IL1RAPL1: variants seen among roughly 807,000 people sequenced by gnomAD.
IL1RAPL1 encodes interleukin 1 receptor accessory protein like 1, also known as interleukin-1 receptor accessory protein-like 1.
In IL1RAPL1, 3 loss-of-function variants were observed where a neutral mutation model predicts 48.4. The observed-to-expected ratio is 0.06, with a 90% CI of 0.03 to 0.16. The LOEUF (loss-of-function observed/expected upper bound fraction) is 0.16. Among genes scored for constraint, IL1RAPL1 ranks in the 10% least tolerant of loss-of-function variants. The pLI is 1.00. For synonymous variants in IL1RAPL1, 185 were observed against 187.7 expected (o/e 0.99, Z 0.12); for missense variants, 349 against 530.6 (o/e 0.66, Z 3.36).
chrX:29,608,683 G>A (rs1433421120), intron 5 of IL1RAPL1, among the ~76,000 whole-genome samples: 4 of 100,007 alleles, frequency 4.0e-5, no homozygotes, highest in East Asian at 3.3e-4. Flanking sequence ...AAAATTAGCC[G>A]GGCGTGGTGG....
chrX:29,233,656 G>A (rs1006845610), intron 2 of IL1RAPL1, among the ~76,000 whole-genome samples: 4 of 111,081 alleles, frequency 3.6e-5, no homozygotes, highest in African/African-American at 1.3e-4. Flanking sequence ...CCTTGAGTGT[G>A]TATGAGACTA....
chrX:29,599,882 T>C (rs1191026902), intron 5 of IL1RAPL1, among the ~76,000 whole-genome samples: 1 of 112,180 alleles, frequency 8.9e-6, no homozygotes, highest in Non-Finnish European at 1.9e-5. Flanking sequence ...TTGTTTTTTA[T>C]TTATGTTATA....
intron 2 of IL1RAPL1, among the ~76,000 whole-genome samples, chrX:28,965,738 G>A (rs190614963): frequency 3.1e-3 from 345 of 111,858 alleles, no homozygotes; most frequent in Non-Finnish European, 5.3e-3. Context: ...CAATCTGTGC[G>A]CTCTTAGTGA....
intron 3 of IL1RAPL1, among the ~76,000 whole-genome samples, chrX:29,284,104 A>T (rs1410586110): frequency 1.8e-5 from 2 of 112,327 alleles, no homozygotes; most frequent in African/African-American, 6.5e-5. Flanking sequence ...ATAAAGAAGA[A>T]TCTAAAGTAA....
At chrX:29,370,535 T>C (rs1408508612) in intron 3 of IL1RAPL1, among the ~76,000 whole-genome samples, 4 of 110,221 alleles carry the variant, frequency 3.6e-5, no homozygotes, top group Non-Finnish European at 5.7e-5. Flanking sequence ...AGTGCTTCCC[T>C]GTTCCTAAAA....
chrX:29,803,202 C>T (rs201594678), intron 6 of IL1RAPL1, among the ~76,000 whole-genome samples: 330 of 30,383 alleles, frequency 0.011, 36 homozygotes, highest in African/African-American at 0.04. Flanking sequence ...TATACATATA[C>T]ACACATGTAT....
intron 3 of IL1RAPL1, among the ~76,000 whole-genome samples, chrX:29,380,739 C>T (rs1569298848): frequency 1.8e-5 from 2 of 112,112 alleles, no homozygotes; most frequent in East Asian, 5.6e-4. Context: ...TGGGGCAGCA[C>T]TACTACATTC....
chrX:29,673,530 G>A (rs938660220), intron 6 of IL1RAPL1, among the ~76,000 whole-genome samples: 3 of 111,463 alleles, frequency 2.7e-5, no homozygotes, highest in Admixed American at 1.9e-4. Flanking sequence ...TTAAAAAACC[G>A]TAAAACTTCC....
chrX:28,676,106 A>G (rs918724162), intron 1 of IL1RAPL1, among the ~76,000 whole-genome samples: 2 of 111,954 alleles, frequency 1.8e-5, no homozygotes, highest in African/African-American at 6.5e-5. Flanking sequence ...CTACTGAAAT[A>G]CCTTCAGTGG....
intron 8 of IL1RAPL1, among the ~76,000 whole-genome samples, chrX:29,936,653 A>C (rs1933039053): frequency 9.0e-6 from 1 of 111,107 alleles, no homozygotes; most frequent in African/African-American, 3.3e-5. Flanking sequence ...TACCTTTTCG[A>C]AGATTTCTAG....
At chrX:29,695,636 G>T (rs7887004) in intron 6 of IL1RAPL1, among the ~76,000 whole-genome samples, 13,452 of 108,188 alleles carry the variant, frequency 0.12, 1,682 homozygotes, top group African/African-American at 0.37. Flanking sequence ...GAAACAGAGA[G>T]AATCTTTTAT....
chrX:28,905,105 A>G (rs748941951), intron 2 of IL1RAPL1, among the ~76,000 whole-genome samples: 1 of 111,550 alleles, frequency 9.0e-6, no homozygotes, highest in East Asian at 2.8e-4. Flanking sequence ...TCTAAGATAA[A>G]CACATTTATT....
At chrX:28,951,350 G>A (rs1361324682) in intron 2 of IL1RAPL1, among the ~76,000 whole-genome samples, 1 of 106,498 alleles carries the variant, frequency 9.4e-6, no homozygotes, top group Admixed American at 1.0e-4. Context: ...AAGACTGGAA[G>A]GAATTTTTTA....
At chrX:29,580,067 T>C (rs1360354623) in intron 5 of IL1RAPL1, among the ~76,000 whole-genome samples, 1 of 110,892 alleles carries the variant, frequency 9.0e-6, no homozygotes, top group Non-Finnish European at 1.9e-5. Flanking sequence ...CTCCCCAATT[T>C]AGTATTCACA....
At chrX:29,443,448 A>G (rs1046573463) in intron 5 of IL1RAPL1, among the ~76,000 whole-genome samples, 1 of 111,248 alleles carries the variant, frequency 9.0e-6, no homozygotes, top group Non-Finnish European at 1.9e-5. Context: ...TTCCAGCTCT[A>G]TTATTCGCCA....
chrX:29,223,992 A>G (rs1486560622), intron 2 of IL1RAPL1, among the ~76,000 whole-genome samples: 1 of 111,622 alleles, frequency 9.0e-6, no homozygotes, highest in Admixed American at 9.6e-5. Context: ...ACGCACACAC[A>G]ATGTTAAGAT....
Position 28,917,183 on chromosome X carries a change from T to C in IL1RAPL1, c.82+127758T>C, listed in dbSNP as rs112928148. ...GAGGGAAGATGGATTATTAGTGACA[T>C]GTGTCTTGCTTCTTGATACAGAAAA... On this transcript the variant is annotated intron_variant, in intron 2 of 10. Coordinates refer to ENST00000378993, the MANE Select transcript of IL1RAPL1 (RefSeq NM_014271.4). 1.7e-3 allele frequency among the ~76,000 whole-genome samples: 188 copies of C among 112,130 alleles called. 1 individual carries two copies. Among genetic ancestry groups the C allele is most frequent in the Middle Eastern group, 9.2e-3 (2 of 218 alleles).
At chrX:28,828,280 C>G (rs1297254743) in intron 2 of IL1RAPL1, among the ~76,000 whole-genome samples, 2 of 111,631 alleles carry the variant, frequency 1.8e-5, no homozygotes, top group Admixed American at 9.6e-5. Context: ...AAAGTATGGC[C>G]TGTTAATAGT....
At chrX:29,517,892 G>T (rs182850144) in intron 5 of IL1RAPL1, among the ~76,000 whole-genome samples, 63 of 111,647 alleles carry the variant, frequency 5.6e-4, no homozygotes, top group African/African-American at 2.0e-3. Flanking sequence ...ATGAACTTCT[G>T]CTGTTTGGTT....
Sources: gnomAD v4.1 joint callset for allele counts (sites outside exome capture counted in the v4.1 genomes callset) on GRCh38, gnomAD v4.1.1 for gene constraint, MANE v1.5 for transcripts, NCBI Gene and HGNC (gene_info 2026-07-23, HGNC 2026-07-21) for gene names.